Variants in SEMA3E observed in about 807,000 individuals in gnomAD.
SEMA3E encodes semaphorin 3E.
A neutral mutation model predicts 93.6 loss-of-function variants in SEMA3E; 49 were observed. The ratio of observed to expected loss-of-function variants is 0.52; its 90% CI spans 0.42 to 0.66. SEMA3E has a LOEUF of 0.66. SEMA3E is among the 30% of genes least tolerant of loss of function. SEMA3E has a pLI of 0.00. For synonymous variants in SEMA3E, 363 were observed against 330.7 expected, an observed-to-expected ratio of 1.10 and a Z score of -1.06; for missense variants, 906 against 964.8, an observed-to-expected ratio of 0.94 and a Z score of 0.81.
chr7:83,395,285 T>C (rs1243085842), intron 12 of SEMA3E, among the ~76,000 whole-genome samples: 3 of 152,128 alleles, frequency 2.0e-5, no homozygotes, highest in African/African-American at 7.2e-5. Context: ...TGATATAGGA[T>C]AGTGGTTAGC....
intron 1 of SEMA3E, among the ~76,000 whole-genome samples, chr7:83,541,220 G>C (rs370133848): frequency 5.3e-5 from 8 of 152,158 alleles, no homozygotes; most frequent in African/African-American, 1.9e-4. Context: ...TAGAGGGACT[G>C]GGTAGGTAGG....
intron 1 of SEMA3E, among the ~76,000 whole-genome samples, chr7:83,492,045 G>T (rs1025150672): frequency 6.6e-6 from 1 of 151,972 alleles, no homozygotes; most frequent in African/African-American, 2.4e-5. Context: ...TTTTAGAAAA[G>T]TTTTCTCAGT....
chr7:83,387,655 A>G (rs1787906949), intron 14 of SEMA3E, among the ~76,000 whole-genome samples: 1 of 151,582 alleles, frequency 6.6e-6, no homozygotes, highest in African/African-American at 2.4e-5. Context: ...GTTTAGCAGA[A>G]TTTTGTGCAT....
At chr7:83,507,126 C>G (rs1010247361) in intron 1 of SEMA3E, among the ~76,000 whole-genome samples, 4 of 152,174 alleles carry the variant, frequency 2.6e-5, no homozygotes, top group African/African-American at 7.2e-5. Flanking sequence ...TTTATCAGAA[C>G]AGATGCTAGT....
chr7:83,405,341 G>A, intron 9 of SEMA3E, 109 bp downstream of exon 9: 2 of 777,488 alleles, frequency 2.6e-6, no homozygotes, highest in Non-Finnish European at 4.4e-6. Flanking sequence ...TAGAAAATGA[G>A]AAGAGCAACT....
At chr7:83,630,053 C>T (rs983450910) in intron 1 of SEMA3E, among the ~76,000 whole-genome samples, 8 of 152,270 alleles carry the variant, frequency 5.3e-5, no homozygotes, top group Non-Finnish European at 2.9e-5. Flanking sequence ...GTTCCCCAAC[C>T]CCTTGCACTT....
chr7:83,419,444 C>T (rs1174918813), intron 4 of SEMA3E, among the ~76,000 whole-genome samples: 1 of 152,140 alleles, frequency 6.6e-6, no homozygotes, highest in Non-Finnish European at 1.5e-5. Context: ...TGGAAATTTA[C>T]CCAGTAATTG....
chr7:83,440,544 AT>A (rs1429348205), intron 4 of SEMA3E, among the ~76,000 whole-genome samples: 2 of 152,150 alleles, frequency 1.3e-5, no homozygotes, highest in African/African-American at 4.8e-5. Context: ...TCAGAAACTT[AT>A]GCAAATTTGC....
intron 1 of SEMA3E, among the ~76,000 whole-genome samples, chr7:83,536,685 AC>A (rs528799729): frequency 1.8e-4 from 27 of 152,182 alleles, no homozygotes; most frequent in South Asian, 2.1e-4. Flanking sequence ...TATTAAAAAA[AC>A]AAAACCAGAC....
intron 1 of SEMA3E, among the ~76,000 whole-genome samples, chr7:83,592,960 T>TA (rs1325435541): frequency 6.6e-6 from 1 of 151,716 alleles, no homozygotes; most frequent in Admixed American, 6.6e-5. Context: ...TAATAAACAT[T>TA]TTTTTTCTTT....
chr7:83,453,873 T>A (rs1279373289), intron 4 of SEMA3E, among the ~76,000 whole-genome samples: 1 of 152,054 alleles, frequency 6.6e-6, no homozygotes, highest in Non-Finnish European at 1.5e-5. Flanking sequence ...ATTCATATAT[T>A]TATTCTATTA....
At chr7:83,592,350 T>C (rs1792772804) in intron 1 of SEMA3E, among the ~76,000 whole-genome samples, 1 of 152,146 alleles carries the variant, frequency 6.6e-6, no homozygotes, top group Non-Finnish European at 1.5e-5. Flanking sequence ...ATTTGCTTGC[T>C]GTACTTGCAA....
intron 1 of SEMA3E, 57 bp from the exon 2 acceptor site, chr7:83,490,331 C>T: frequency 6.4e-7 from 1 of 1,554,502 alleles, no homozygotes; most frequent in Non-Finnish European, 8.8e-7. Context: ...ATACCTTTAT[C>T]ACCCTTTTCT....
chr7:83,591,177 G>A (rs1445666522), intron 1 of SEMA3E, among the ~76,000 whole-genome samples: 1 of 148,648 alleles, frequency 6.7e-6, no homozygotes, highest in East Asian at 2.0e-4. Context: ...ACTGCCGATA[G>A]AAATACAATT....
At chr7:83,640,922 AAGG>A (rs889359595) in intron 1 of SEMA3E, among the ~76,000 whole-genome samples, 1 of 151,966 alleles carries the variant, frequency 6.6e-6, no homozygotes, top group Non-Finnish European at 1.5e-5. Context: ...AGACAGATAG[AAGG>A]AGGAGGAGGA....
intron 1 of SEMA3E, among the ~76,000 whole-genome samples, chr7:83,635,949 T>C (rs1000838690): frequency 1.3e-5 from 2 of 151,960 alleles, no homozygotes; most frequent in East Asian, 1.9e-4. Context: ...GGGTAAATTA[T>C]CACTCTTTCC....
chr7:83,387,715 A>C (rs1787907979), intron 14 of SEMA3E, among the ~76,000 whole-genome samples: 1 of 151,160 alleles, frequency 6.6e-6, no homozygotes, highest in Admixed American at 6.6e-5. Context: ...TCTGCCTCGT[A>C]TAATTAGAGT....
chr7:83,636,670 C>T (rs1344907274), intron 1 of SEMA3E, among the ~76,000 whole-genome samples: 3 of 152,012 alleles, frequency 2.0e-5, no homozygotes, highest in Admixed American at 6.6e-5. Flanking sequence ...TTAAATTTAG[C>T]AAGGACAAAG....
In SEMA3E at chr7:83,542,501, A is replaced by G. The variant is rs192376068; in HGVS notation, c.116-52227T>C. On this transcript the variant is annotated intron_variant, in intron 1 of 16. Transcript: ENST00000643230. Reference sequence around the variant, plus strand: ...GTCTTACAATTTAAAATATTTTAACATAGAAGACAATTTCATTTTATTTCC... The same window carrying G: ...GTCTTACAATTTAAAATATTTTAACGTAGAAGACAATTTCATTTTATTTCC... 4.6e-3 allele frequency among the ~76,000 whole-genome samples: 708 copies of G among 152,318 alleles called. 7 individuals carry two copies. The highest frequency in any genetic ancestry group is 0.016 in the African/African-American group (675 of 41,580).
Sources: gnomAD v4.1 joint callset for allele counts (sites outside exome capture counted in the v4.1 genomes callset) on GRCh38, gnomAD v4.1.1 for gene constraint, MANE v1.5 for transcripts, NCBI Gene and HGNC (gene_info 2026-07-23, HGNC 2026-07-21) for gene names.